The following MECOM variants were observed in gnomAD, a reference collection of about 807,000 sequenced individuals.
The protein encoded by MECOM is histone-lysine N-methyltransferase MECOM.
In MECOM, 13 loss-of-function variants were observed where a neutral mutation model predicts 116.3. That is an observed-to-expected ratio of 0.11 (90% confidence interval 0.07 to 0.18). MECOM has a LOEUF of 0.18. Among genes scored for constraint, MECOM ranks in the 10% least tolerant of loss-of-function variants. The pLI is 1.00. For missense variants in MECOM, 1,299 were observed against 1,509.0 expected, an observed-to-expected ratio of 0.86 and a Z score of 2.31; for synonymous variants, 528 against 535.2, an observed-to-expected ratio of 0.99 and a Z score of 0.19.
chr3:169,319,317 C>T (rs1001450127), intron 2 of MECOM, among the ~76,000 whole-genome samples: 2 of 151,960 alleles, frequency 1.3e-5, no homozygotes, highest in African/African-American at 4.8e-5. Context: ...AGCAAACTAA[C>T]ACAGGAACAG....
intron 2 of MECOM, among the ~76,000 whole-genome samples, chr3:169,198,804 C>T (rs1748778031): frequency 6.6e-6 from 1 of 151,622 alleles, no homozygotes; most frequent in African/African-American, 2.4e-5. Context: ...CAGTGAATCC[C>T]AATACAATAT....
intron 1 of MECOM, among the ~76,000 whole-genome samples, chr3:169,659,440 ATTT>A (rs56270349): frequency 1.0e-3 from 62 of 62,118 alleles, no homozygotes; most frequent in South Asian, 8.1e-3. Context: ...CTAAACACAG[ATTT>A]TTTTTTTTTT....
chr3:169,281,260 G>A (rs1401627802), intron 2 of MECOM, among the ~76,000 whole-genome samples: 3 of 152,174 alleles, frequency 2.0e-5, no homozygotes, highest in African/African-American at 7.2e-5. Context: ...CATCTGAGGA[G>A]TACTAACGTA....
intron 2 of MECOM, among the ~76,000 whole-genome samples, chr3:169,239,168 G>A (rs1754467759): frequency 6.6e-6 from 1 of 152,078 alleles, no homozygotes; most frequent in East Asian, 1.9e-4. Flanking sequence ...AAATTGTTCA[G>A]TTTGGCTAAA....
intron 12 of MECOM, among the ~76,000 whole-genome samples, chr3:169,100,471 C>T (rs899337205): frequency 1.3e-5 from 2 of 152,048 alleles, no homozygotes; most frequent in Admixed American, 1.3e-4. Context: ...AAAAAAAGTA[C>T]ATATGGGTTA....
intron 2 of MECOM, among the ~76,000 whole-genome samples, chr3:169,279,147 A>C (rs1759972260): frequency 6.6e-6 from 1 of 152,200 alleles, no homozygotes; most frequent in Non-Finnish European, 1.5e-5. Context: ...ATTCTCTCCA[A>C]ATTAGGCAGG....
chr3:169,296,520 A>G (rs1003895809), intron 2 of MECOM, among the ~76,000 whole-genome samples: 7 of 152,102 alleles, frequency 4.6e-5, no homozygotes, highest in Non-Finnish European at 7.4e-5. Context: ...CCATCAGTAA[A>G]CTCAGGGCAT....
chr3:169,384,897 G>A (rs184066240), intron 1 of MECOM, among the ~76,000 whole-genome samples: 28 of 152,116 alleles, frequency 1.8e-4, no homozygotes, highest in South Asian at 1.0e-3. Flanking sequence ...GAGCTCAAGC[G>A]TTCGAGACCA....
intron 2 of MECOM, among the ~76,000 whole-genome samples, chr3:169,226,218 T>C (rs1560016536): frequency 6.6e-6 from 1 of 152,298 alleles, no homozygotes; most frequent in South Asian, 2.1e-4. Flanking sequence ...TGGGTAACCC[T>C]GGATGCATTA....
chr3:169,207,218 T>C (rs1225387392), intron 2 of MECOM, among the ~76,000 whole-genome samples: 1 of 152,168 alleles, frequency 6.6e-6, no homozygotes, highest in Non-Finnish European at 1.5e-5. Context: ...AGGTGCAGTA[T>C]CTCTGAAGGA....
At chr3:169,207,914 T>A (rs1577346596) in intron 2 of MECOM, among the ~76,000 whole-genome samples, 1 of 152,282 alleles carries the variant, frequency 6.6e-6, no homozygotes, top group South Asian at 2.1e-4. Flanking sequence ...ACGATGTGAA[T>A]GAAAACAGAA....
intron 2 of MECOM, among the ~76,000 whole-genome samples, chr3:169,196,653 T>C (rs1748446492): frequency 6.6e-6 from 1 of 151,950 alleles, no homozygotes; most frequent in Non-Finnish European, 1.5e-5. Context: ...TTATTAAAAG[T>C]CAAAACATAA....
chr3:169,598,977 G>A (rs1277666158), intron 1 of MECOM, among the ~76,000 whole-genome samples: 1 of 152,170 alleles, frequency 6.6e-6, no homozygotes, highest in Non-Finnish European at 1.5e-5. Context: ...AATTGTTATT[G>A]ATATGACACA....
At chr3:169,274,610 A>G (rs1302451195) in intron 2 of MECOM, among the ~76,000 whole-genome samples, 1 of 152,188 alleles carries the variant, frequency 6.6e-6, no homozygotes, top group African/African-American at 2.4e-5. Flanking sequence ...CTACAATATA[A>G]ATGTTGAAGT....
At chr3:169,662,738 G>C (rs1191423193) in intron 1 of MECOM, among the ~76,000 whole-genome samples, 1 of 152,026 alleles carries the variant, frequency 6.6e-6, no homozygotes, top group Non-Finnish European at 1.5e-5. Context: ...GCAACTTCCA[G>C]CGGCCGCCTC....
At chr3:169,378,450 AAGGAAAGCAAGC>A (rs1489618474) in intron 2 of MECOM, among the ~76,000 whole-genome samples, 2,413 of 54,024 alleles carry the variant, frequency 0.045, 299 homozygotes, top group African/African-American at 0.051. Context: ...AGAAAGAAAG[AAGGAAAGCAAGC>A]AAGCAAGCAA....
At chr3:169,585,500 G>T (rs1037589734) in intron 1 of MECOM, among the ~76,000 whole-genome samples, 2 of 152,128 alleles carry the variant, frequency 1.3e-5, no homozygotes, top group African/African-American at 4.8e-5. Flanking sequence ...GGCAAGAGAT[G>T]TATATTTCTC....
At chr3:169,388,383 A>G (rs921002311) in intron 1 of MECOM, among the ~76,000 whole-genome samples, 1 of 152,116 alleles carries the variant, frequency 6.6e-6, no homozygotes, top group African/African-American at 2.4e-5. Context: ...GGGCTTGGGG[A>G]AAAGGGTGGA....
At chr3:169,227,359 C>T (rs935690375) in intron 2 of MECOM, among the ~76,000 whole-genome samples, 3 of 151,990 alleles carry the variant, frequency 2.0e-5, no homozygotes, top group African/African-American at 4.8e-5. Context: ...TATCATAATC[C>T]TTACTTTTAA....
Sources: allele counts gnomAD v4.1 joint callset (sites outside exome capture counted in the v4.1 genomes callset), GRCh38; gene constraint gnomAD v4.1.1; transcripts MANE v1.5; gene names NCBI Gene and HGNC (gene_info 2026-07-23, HGNC 2026-07-21).